The following ANKRD11 variants were observed in gnomAD, a reference collection of about 807,000 sequenced individuals.
ANKRD11 encodes ankyrin repeat domain 11.
A neutral mutation model predicts 195.7 loss-of-function variants in ANKRD11; 17 were observed. The observed-to-expected ratio is 0.09, with a 90% CI of 0.06 to 0.13. The LOEUF is 0.13. Among genes scored for constraint, ANKRD11 ranks in the 10% least tolerant of loss-of-function variants. The pLI is 1.00. For missense variants in ANKRD11, 3,735 were observed against 3,566.1 expected (o/e 1.05, Z -1.21); for synonymous variants, 1,953 against 1,528.1 (o/e 1.28, Z -6.49).
chr16:89,427,154 A>G (rs2042750060), intron 1 of ANKRD11, among the ~76,000 whole-genome samples: 1 of 152,250 alleles, frequency 6.6e-6, no homozygotes, highest in African/African-American at 2.4e-5. Flanking sequence ...GATTAAGGAA[A>G]CATTTCCATT....
chr16:89,318,875 T>C (rs925701359), intron 2 of ANKRD11, among the ~76,000 whole-genome samples: 1 of 152,128 alleles, frequency 6.6e-6, no homozygotes, highest in African/African-American at 2.4e-5. Context: ...CCATCCACCA[T>C]CCCTGATGCC....
At chr16:89,408,694 C>T (rs780507545) in intron 2 of ANKRD11, among the ~76,000 whole-genome samples, 1 of 151,966 alleles carries the variant, frequency 6.6e-6, no homozygotes, top group Non-Finnish European at 1.5e-5. Flanking sequence ...AGCGCTAATA[C>T]AACCACCTCT....
At chr16:89,329,400 A>G (rs541840216) in intron 2 of ANKRD11, among the ~76,000 whole-genome samples, 5 of 152,152 alleles carry the variant, frequency 3.3e-5, no homozygotes, top group African/African-American at 7.2e-5. Context: ...AGAAAAAAGG[A>G]AAAAAAAGGG....
chr16:89,351,240 GAATGAA>G (rs1214246583), intron 2 of ANKRD11, among the ~76,000 whole-genome samples: 11 of 152,180 alleles, frequency 7.2e-5, no homozygotes, highest in African/African-American at 2.7e-4. Flanking sequence ...CCACGGCAAA[GAATGAA>G]ATTGAATGCC....
At chr16:89,286,768 A>G (rs894226699) in intron 7 of ANKRD11, 2 of 1,287,218 alleles carry the variant, frequency 1.6e-6, no homozygotes, top group African/African-American at 1.5e-5. Flanking sequence ...AGAGACAACC[A>G]TGGTGACACA....
chr16:89,390,660 G>A (rs2041150268), intron 2 of ANKRD11, among the ~76,000 whole-genome samples: 1 of 152,070 alleles, frequency 6.6e-6, no homozygotes, highest in South Asian at 2.1e-4. Context: ...AAGAAGAACA[G>A]GCAAAAGGGA....
At chr16:89,438,057 A>G (rs1467129027) in intron 1 of ANKRD11, among the ~76,000 whole-genome samples, 1 of 152,240 alleles carries the variant, frequency 6.6e-6, no homozygotes, top group Non-Finnish European at 1.5e-5. Flanking sequence ...GGCAAGTGGC[A>G]GTGTCCCAAG....
chr16:89,410,320 T>A (rs1488979203), intron 2 of ANKRD11, among the ~76,000 whole-genome samples: 1 of 152,142 alleles, frequency 6.6e-6, no homozygotes, highest in Admixed American at 6.6e-5. Flanking sequence ...GATTTGATAT[T>A]TAGAAACTTT....
At chr16:89,441,983 T>C (rs2043528103) in intron 1 of ANKRD11, among the ~76,000 whole-genome samples, 1 of 152,134 alleles carries the variant, frequency 6.6e-6, no homozygotes, top group African/African-American at 2.4e-5. Flanking sequence ...AAATCCGGTC[T>C]AGAAATTAAA....
chr16:89,442,569 C>A (rs2043563446), intron 1 of ANKRD11, among the ~76,000 whole-genome samples: 1 of 152,166 alleles, frequency 6.6e-6, no homozygotes, highest in African/African-American at 2.4e-5. Context: ...CTGTTTCCAC[C>A]AGCTGGACAG....
chr16:89,416,062 T>G (rs1021604841), intron 2 of ANKRD11, among the ~76,000 whole-genome samples: 7 of 151,836 alleles, frequency 4.6e-5, no homozygotes, highest in African/African-American at 1.7e-4. Context: ...AAAGACAAAA[T>G]CAATACTGAG....
At chr16:89,302,818 A>C (rs956623988) in intron 4 of ANKRD11, among the ~76,000 whole-genome samples, 5 of 152,138 alleles carry the variant, frequency 3.3e-5, no homozygotes, top group African/African-American at 1.2e-4. Context: ...ATTCTCACCT[A>C]CCCTGTCCTC....
chr16:89,286,414 C>A (rs2034649930), intron 7 of ANKRD11: 3 of 661,444 alleles, frequency 4.5e-6, no homozygotes, highest in Admixed American at 2.8e-5. Context: ...CGCGGGGGCT[C>A]CCGCACCCCT....
chr16:89,351,179 A>G (rs188779396), intron 2 of ANKRD11, among the ~76,000 whole-genome samples: 1 of 152,354 alleles, frequency 6.6e-6, no homozygotes, highest in Non-Finnish European at 1.5e-5. Flanking sequence ...TGTTGTGAAG[A>G]AAAGCAGAGA....
intron 1 of ANKRD11, among the ~76,000 whole-genome samples, chr16:89,472,667 C>T (rs866341551): frequency 2.0e-5 from 3 of 152,254 alleles, no homozygotes; most frequent in East Asian, 1.9e-4. Flanking sequence ...CGTTTAAATA[C>T]TGACCACAGA....
At chr16:89,376,144 C>T (rs1269739936) in intron 2 of ANKRD11, among the ~76,000 whole-genome samples, 3 of 152,080 alleles carry the variant, frequency 2.0e-5, no homozygotes, top group South Asian at 2.1e-4. Context: ...CCAAACAGCA[C>T]GGATATATGA....
intron 2 of ANKRD11, among the ~76,000 whole-genome samples, chr16:89,385,857 G>A (rs1384713499): frequency 2.6e-5 from 4 of 152,242 alleles, no homozygotes; most frequent in Non-Finnish European, 4.4e-5. Context: ...CCAGCGGCTC[G>A]CCAAGAGCTC....
In ANKRD11 at chr16:89,279,828, G is replaced by A. The variant is rs748372503; in HGVS notation, c.6714C>T (p.Ser2238=). 118 of 1,545,744 alleles carry A rather than the reference G, an allele frequency of 7.6e-5. No individual in the cohort carries two copies. Among genetic ancestry groups the A allele is most frequent in the Non-Finnish European group, 9.6e-6 (11 of 1,147,922 alleles). The part of the protein sequence containing the change: ...EERARGDPDS[S]VEPAPVPPEQ... ...CTGGGGGAACGGGCGCGGGCTCCACGCTGGAGTCCGGATCCCCACGGGCCC... is the reference window on the plus strand; with the variant it reads ...CTGGGGGAACGGGCGCGGGCTCCACACTGGAGTCCGGATCCCCACGGGCCC... Residue 2238 remains serine, a synonymous_variant, in exon 9 of 13, where the codon AGC becomes AGT. Transcript: ENST00000301030. The surrounding 1 kb of genome is among the most constrained non-coding windows in gnomAD (Gnocchi z 5.6).
intron 1 of ANKRD11, among the ~76,000 whole-genome samples, chr16:89,421,212 G>A (rs35825800): frequency 0.34 from 12,265 of 35,804 alleles, 1,024 homozygotes; most frequent in Middle Eastern, 0.46. Context: ...ACGAAGGGTC[G>A]GTGTGTGATG....
Sources: gnomAD v4.1 joint callset for allele counts (sites outside exome capture counted in the v4.1 genomes callset) on GRCh38, gnomAD v4.1.1 for gene constraint, Gnocchi (gnomAD v3.1) non-coding constraint, MANE v1.5 for transcripts, NCBI Gene and HGNC (gene_info 2026-07-23, HGNC 2026-07-21) for gene names.